MAP7: variants seen among roughly 807,000 people sequenced by gnomAD.
MAP7 encodes the protein ensconsin.
A neutral mutation model predicts 94.8 loss-of-function variants in MAP7; 52 were observed. That is an observed-to-expected ratio of 0.55 (90% CI 0.44 to 0.69). The LOEUF (loss-of-function observed/expected upper bound fraction) is 0.69. MAP7 is among the 30% of genes least tolerant of loss of function. The probability of loss-of-function intolerance (pLI) is 0.00; values close to 1 mark genes in which losing one functional copy is unlikely to be tolerated. For missense variants in MAP7, 940 were observed against 964.6 expected, an observed-to-expected ratio of 0.97 and a Z score of 0.34; for synonymous variants, 350 against 357.0, an observed-to-expected ratio of 0.98 and a Z score of 0.22.
intron 1 of MAP7, among the ~76,000 whole-genome samples, chr6:136,426,038 C>A (rs1460171683): frequency 6.6e-6 from 1 of 152,150 alleles, no homozygotes; most frequent in African/African-American, 2.4e-5. Context: ...GCTTCTGATT[C>A]CTCCAATACT....
At chr6:136,493,562 G>A (rs969475921) in intron 1 of MAP7, among the ~76,000 whole-genome samples, 11 of 152,092 alleles carry the variant, frequency 7.2e-5, no homozygotes, top group Non-Finnish European at 1.5e-5. Flanking sequence ...CTACAGGAGC[G>A]CACTTGCCAC....
chr6:136,344,945 T>A (rs914375913), intron 17 of MAP7, among the ~76,000 whole-genome samples: 10 of 152,248 alleles, frequency 6.6e-5, no homozygotes, highest in African/African-American at 2.2e-4. Flanking sequence ...AATTCTGTAT[T>A]GTCTCCATTT....
At chr6:136,373,673 AAGTATAGAGAAT>A (rs1279457135) in intron 7 of MAP7, among the ~76,000 whole-genome samples, 1 of 152,228 alleles carries the variant, frequency 6.6e-6, no homozygotes, top group African/African-American at 2.4e-5. Flanking sequence ...AATTAAACAC[AAGTATAGAGAAT>A]ACTATGTATT....
At chr6:136,375,340 T>G (rs1582716724) in intron 7 of MAP7, among the ~76,000 whole-genome samples, 1 of 152,126 alleles carries the variant, frequency 6.6e-6, no homozygotes, top group Non-Finnish European at 1.5e-5. Context: ...AAATGAGAGG[T>G]GTGAGACTGG....
chr6:136,366,506 A>T, intron 8 of MAP7, 67 bp from the exon 9 acceptor site: 1 of 1,051,538 alleles, frequency 9.5e-7, no homozygotes, highest in East Asian at 2.4e-5. Context: ...ACAATACTCA[A>T]CAGTGGAGCT....
intron 16 of MAP7, among the ~76,000 whole-genome samples, chr6:136,348,854 TA>T (rs1224356520): frequency 6.6e-6 from 1 of 150,980 alleles, no homozygotes; most frequent in African/African-American, 2.4e-5. Flanking sequence ...ACTTCTTATT[TA>T]AAAAAAAAGA....
At position 136,362,160 on chromosome 6, in the gene MAP7, T is replaced by C. The variant is rs186122275; in HGVS notation, c.1526+290A>G. 1.6e-3 allele frequency among the ~76,000 whole-genome samples: 248 copies of C among 152,246 alleles called. 3 individuals are homozygous for C. Among genetic ancestry groups the C allele is most frequent in the Admixed American group, 0.016 (248 of 15,288 alleles). Reference sequence around the variant, plus strand: ...ACATGGCTGGGCATGGTGGCTCATGTCTGCAATCTCAACACTTTGGGAGGT... The same window carrying C: ...ACATGGCTGGGCATGGTGGCTCATGCCTGCAATCTCAACACTTTGGGAGGT... On this transcript the variant is annotated intron_variant, in intron 11 of 17. Transcript: ENST00000354570.
In MAP7 at chr6:136,549,810, A is replaced by G. The variant is rs1385073258; in HGVS notation, c.67+532T>C. On this transcript the variant is annotated intron_variant, in intron 1 of 17. Transcript: ENST00000354570. ...GACGACGGTCGTCGCCACTGCGGGC[A>G]CCAGATTGGGGGGCGGGCCGCTCAC... Among the ~76,000 whole-genome samples, 4 of 152,178 alleles carry G rather than the reference A, an allele frequency of 2.6e-5. No homozygotes were observed. The East Asian group carries it at 5.8e-4, about 22-fold the overall frequency.
At chr6:136,542,956 C>A (rs1042918160) in intron 1 of MAP7, among the ~76,000 whole-genome samples, 1 of 152,084 alleles carries the variant, frequency 6.6e-6, no homozygotes, top group Non-Finnish European at 1.5e-5. Flanking sequence ...ACAAAACTAA[C>A]GATACTAAGT....
chr6:136,387,886 T>C (rs1274092322), intron 5 of MAP7, among the ~76,000 whole-genome samples: 1 of 152,196 alleles, frequency 6.6e-6, no homozygotes, highest in East Asian at 1.9e-4. Flanking sequence ...TTTATGTCCA[T>C]TCAGAAAGGA....
rs532564103 is a variant in MAP7 at position 136,504,383 on chromosome 6, C to A, written c.67+45959G>T. ...TTTTGGGGGGGAACAGAGCCTCACT[C>A]TGTCACCCAGGCTGGAGTGCAGTGG... On this transcript the variant is annotated intron_variant, in intron 1 of 17. Coordinates refer to ENST00000354570, the MANE Select transcript of MAP7 (RefSeq NM_003980.6). 3.6e-4 allele frequency among the ~76,000 whole-genome samples: 54 copies of A among 151,968 alleles called. 1 individual carries two copies. Among genetic ancestry groups the A allele is most frequent in the African/African-American group, 1.2e-3 (51 of 41,480 alleles).
In MAP7 at chr6:136,388,417, C is replaced by T. The variant is rs1200381059; in HGVS notation, c.502G>A (p.Gly168Arg). 1 of 1,614,002 alleles carries T rather than the reference C, an allele frequency of 6.2e-7. No homozygotes were observed. Among genetic ancestry groups the T allele is most frequent in the South Asian group, 1.1e-5 (1 of 91,078 alleles). ...NRWSWGGSLH[G>R]SPSIHSADPD... ...CCTGCACTGTGGATGCTAGGGCTCC[C>T]ATGGAGAGAGCCTCCCCACGACCAA... Residue 168 changes from glycine (G) to arginine (R), a missense_variant, in exon 5 of 18, where the codon GGG (glycine) becomes AGG (arginine). Physicochemically the swap from Gly to Arg is moderately radical, Grantham distance 125. Coordinates refer to ENST00000354570, the MANE Select transcript of MAP7 (RefSeq NM_003980.6).
At position 136,411,664 on chromosome 6, in the gene MAP7, T is replaced by C. The variant is rs868402868; in HGVS notation, c.200A>G (p.Gln67Arg). 1.9e-6 allele frequency: 3 copies of C among 1,567,638 alleles called. No individual in the cohort carries two copies. The highest frequency in any genetic ancestry group is 1.4e-5 in the African/African-American group (1 of 73,572). The stretch of plus-strand genomic sequence containing the variant: ...CTCACGTCGCTCCCGGGCCAGCCGC[T>C]GCCGGTCATCAACACGTAACACAGG... ...PPPVLRVDDR[Q>R]RLARERREER... The change falls in exon 3 of 18, where the codon CAG becomes CGG. Residue 67 changes from glutamine (Q) to arginine (R), a missense_variant. Gln to Arg is a conservative substitution (Grantham distance 43). Transcript: ENST00000354570.
chr6:136,546,951 T>C (rs1257617637), intron 1 of MAP7, among the ~76,000 whole-genome samples: 1 of 152,224 alleles, frequency 6.6e-6, no homozygotes, highest in Non-Finnish European at 1.5e-5. Flanking sequence ...CCTAGTCTAA[T>C]AATAACGTTT....
At chr6:136,500,911 G>C (rs987018644) in intron 1 of MAP7, among the ~76,000 whole-genome samples, 2 of 152,088 alleles carry the variant, frequency 1.3e-5, no homozygotes, top group Admixed American at 6.6e-5. Context: ...TTTTAAAGCA[G>C]AGCCTCTAAT....
At chr6:136,402,206 T>C (rs554821148) in intron 3 of MAP7, among the ~76,000 whole-genome samples, 12 of 152,346 alleles carry the variant, frequency 7.9e-5, no homozygotes, top group Admixed American at 3.3e-4. Context: ...GACTCCCTCA[T>C]AGCACTTACA....
chr6:136,433,372 CTGAG>C (rs1359672475), intron 1 of MAP7, among the ~76,000 whole-genome samples: 5 of 152,330 alleles, frequency 3.3e-5, no homozygotes, highest in East Asian at 3.9e-4. Context: ...ACAGTCCTGA[CTGAG>C]TATTATTTAC....
intron 1 of MAP7, among the ~76,000 whole-genome samples, chr6:136,451,409 G>A (rs996034617): frequency 1.3e-5 from 2 of 152,214 alleles, no homozygotes; most frequent in Non-Finnish European, 2.9e-5. Context: ...TAAGTCCACT[G>A]TTGAGACCTG....
chr6:136,412,836 G>T (rs538387390), intron 2 of MAP7, among the ~76,000 whole-genome samples: 132 of 152,228 alleles, frequency 8.7e-4, no homozygotes, highest in African/African-American at 3.0e-3. Context: ...ACACTTAAAA[G>T]GTTTTTCTCT....
Sources: allele counts gnomAD v4.1 joint callset (sites outside exome capture counted in the v4.1 genomes callset), GRCh38; gene constraint gnomAD v4.1.1; transcripts MANE v1.5; gene names NCBI Gene and HGNC (gene_info 2026-07-23, HGNC 2026-07-21).